The following SPATS2L variants were observed in gnomAD, a reference collection of about 807,000 sequenced individuals.
SPATS2L encodes spermatogenesis associated serine rich 2 like.
In SPATS2L, 30 loss-of-function variants were observed where a neutral mutation model predicts 59.6. The observed-to-expected ratio is 0.50, with a 90% CI of 0.38 to 0.68. The LOEUF is 0.68. Ranked by LOEUF, SPATS2L falls within the 30% of genes least tolerant of loss-of-function variation. The pLI is 0.00. For synonymous variants in SPATS2L, 252 were observed against 263.5 expected, an observed-to-expected ratio of 0.96 and a Z score of 0.42; for missense variants, 615 against 700.0, an observed-to-expected ratio of 0.88 and a Z score of 1.37.
At chr2:200,402,453 G>A (rs1183854818) in intron 3 of SPATS2L, among the ~76,000 whole-genome samples, 1 of 152,036 alleles carries the variant, frequency 6.6e-6, no homozygotes. Context: ...CATAGACGTT[G>A]TGCCCTCTTC....
At chr2:200,464,231 T>C (rs1426111374) in intron 9 of SPATS2L, among the ~76,000 whole-genome samples, 2 of 152,238 alleles carry the variant, frequency 1.3e-5, no homozygotes, top group African/African-American at 4.8e-5. Flanking sequence ...GTGAAAATGT[T>C]CATCCCTTCA....
chr2:200,346,278 A>G (rs2105832452), intron 2 of SPATS2L, among the ~76,000 whole-genome samples: 1 of 152,324 alleles, frequency 6.6e-6, no homozygotes, highest in East Asian at 1.9e-4. Context: ...GGAAACCCAT[A>G]TTTTGATCCT....
At chr2:200,455,867 A>G (rs1462216938) in intron 8 of SPATS2L, among the ~76,000 whole-genome samples, 4 of 152,166 alleles carry the variant, frequency 2.6e-5, no homozygotes, top group Admixed American at 6.5e-5. Flanking sequence ...AATGGCACCG[A>G]TGAAATTACT....
chr2:200,456,435 C>T (rs1408909797), intron 8 of SPATS2L, among the ~76,000 whole-genome samples: 2 of 152,198 alleles, frequency 1.3e-5, no homozygotes, highest in Non-Finnish European at 2.9e-5. Context: ...ATTGTGTAAA[C>T]CCTCTTCCCT....
intron 2 of SPATS2L, among the ~76,000 whole-genome samples, chr2:200,370,975 T>C (rs544549961): frequency 1.3e-5 from 2 of 152,244 alleles, no homozygotes; most frequent in Admixed American, 6.5e-5. Context: ...ACACATGCAC[T>C]TAAGGTTCAA....
At chr2:200,342,646 C>T (rs147158671) in intron 2 of SPATS2L, among the ~76,000 whole-genome samples, 2 of 152,368 alleles carry the variant, frequency 1.3e-5, no homozygotes, top group East Asian at 1.9e-4. Context: ...AGATTTTATG[C>T]ACCCTAGAAA....
chr2:200,469,820 G>A, intron 10 of SPATS2L, 94 bp from the exon 11 acceptor site: 1 of 926,876 alleles, frequency 1.1e-6, no homozygotes. Flanking sequence ...CAGCACTGCA[G>A]TGGACACCGG....
chr2:200,468,426 G>T (rs1028357940), intron 10 of SPATS2L, among the ~76,000 whole-genome samples: 12 of 135,358 alleles, frequency 8.9e-5, no homozygotes, highest in Non-Finnish European at 1.6e-5. Flanking sequence ...GTGGTTGCAA[G>T]ACACAGCTGC....
At chr2:200,385,360 C>T (rs1283355131) in intron 2 of SPATS2L, among the ~76,000 whole-genome samples, 4 of 152,162 alleles carry the variant, frequency 2.6e-5, no homozygotes, top group Non-Finnish European at 2.9e-5. Flanking sequence ...TTGAAAAGTT[C>T]CTTGACTACT....
At chr2:200,417,033 C>T (rs1327679228) in intron 5 of SPATS2L, among the ~76,000 whole-genome samples, 1 of 152,184 alleles carries the variant, frequency 6.6e-6, no homozygotes, top group East Asian at 1.9e-4. Context: ...CTTGTCGAGT[C>T]ACAAAGGGCC....
chr2:200,332,864 A>G (rs538492280), intron 2 of SPATS2L, among the ~76,000 whole-genome samples: 1 of 151,900 alleles, frequency 6.6e-6, no homozygotes, highest in East Asian at 1.9e-4. Flanking sequence ...AATATTCTCT[A>G]TCAGTAGGAG....
At chr2:200,327,791 T>C (rs535145380) in intron 1 of SPATS2L, among the ~76,000 whole-genome samples, 1 of 152,206 alleles carries the variant, frequency 6.6e-6, no homozygotes, top group African/African-American at 2.4e-5. Context: ...TGAGATGAAC[T>C]GATCTTTATA....
At chr2:200,349,350 C>CG (rs1186774095) in intron 2 of SPATS2L, among the ~76,000 whole-genome samples, 2 of 152,232 alleles carry the variant, frequency 1.3e-5, no homozygotes, top group Admixed American at 1.3e-4. Context: ...GTCAAAGACA[C>CG]GTAGGCCGGG....
intron 9 of SPATS2L, among the ~76,000 whole-genome samples, chr2:200,464,145 C>A (rs149924780): frequency 0.034 from 5,141 of 152,260 alleles, 140 homozygotes; most frequent in Admixed American, 0.067. Flanking sequence ...ACTTATTATT[C>A]TATTGTAAAT....
At chr2:200,347,936 C>T (rs573586055) in intron 2 of SPATS2L, among the ~76,000 whole-genome samples, 12 of 152,182 alleles carry the variant, frequency 7.9e-5, no homozygotes, top group East Asian at 1.9e-4. Context: ...TATAATAAGT[C>T]ATATAACTTC....
At chr2:200,459,129 A>G (rs1010465132) in intron 8 of SPATS2L, among the ~76,000 whole-genome samples, 4 of 152,360 alleles carry the variant, frequency 2.6e-5, no homozygotes, top group Admixed American at 2.6e-4. Flanking sequence ...TTTGGGACAG[A>G]TCATTGTTAG....
intron 2 of SPATS2L, among the ~76,000 whole-genome samples, chr2:200,347,998 C>T (rs1312600308): frequency 2.0e-5 from 3 of 152,152 alleles, no homozygotes; most frequent in Non-Finnish European, 4.4e-5. Context: ...GAATCAAAAG[C>T]TTGCCAAGAA....
intron 2 of SPATS2L, among the ~76,000 whole-genome samples, chr2:200,335,303 G>A (rs1390960217): frequency 2.6e-5 from 4 of 151,992 alleles, no homozygotes; most frequent in Non-Finnish European, 5.9e-5. Flanking sequence ...GTGTGAACCC[G>A]GGAGGCAGAG....
intron 6 of SPATS2L, among the ~76,000 whole-genome samples, chr2:200,422,512 G>A (rs2083348427): frequency 4.2e-5 from 1 of 23,874 alleles, no homozygotes. Context: ...ACTCCAGCCT[G>A]GACAGCAGAG....
Sources: allele counts gnomAD v4.1 joint callset (sites outside exome capture counted in the v4.1 genomes callset), GRCh38; gene constraint gnomAD v4.1.1; transcripts MANE v1.5; gene names NCBI Gene and HGNC (gene_info 2026-07-23, HGNC 2026-07-21).